Variants in CCDC160 observed in about 807,000 individuals in gnomAD.
CCDC160 encodes coiled-coil domain containing 160, also known as coiled-coil domain-containing protein 160.
For synonymous variants in CCDC160, 94 were observed against 79.4 expected, an observed-to-expected ratio of 1.18 and a Z score of -0.98; for missense variants, 227 against 215.6, an observed-to-expected ratio of 1.05 and a Z score of -0.33.
intron 1 of CCDC160, among the ~76,000 whole-genome samples, chrX:134,240,523 T>G (rs1379336395): frequency 9.1e-6 from 1 of 110,279 alleles, no homozygotes; most frequent in Non-Finnish European, 1.9e-5. Context: ...GGAAGGACCC[T>G]TGTGAGATGG....
chrX:134,239,556 T>C (rs755146930), intron 1 of CCDC160, among the ~76,000 whole-genome samples: 1 of 111,723 alleles, frequency 9.0e-6, no homozygotes, highest in East Asian at 2.8e-4. Flanking sequence ...AATCTGAGAT[T>C]GGAGTTTAGG....
intron 1 of CCDC160, among the ~76,000 whole-genome samples, chrX:134,238,091 CTGGGCTCCA>C (rs959428364): frequency 9.0e-6 from 1 of 111,537 alleles, no homozygotes; most frequent in African/African-American, 3.3e-5. Flanking sequence ...GAGGCAAGGC[CTGGGCTCCA>C]GCCTTTTGCT....
chrX:134,242,966 C>T (rs761841069), intron 1 of CCDC160, among the ~76,000 whole-genome samples: 10 of 111,788 alleles, frequency 8.9e-5, no homozygotes, highest in Non-Finnish European at 1.7e-4. Flanking sequence ...TTTCTCCTCT[C>T]TCTGTTCCTT....
At chrX:134,242,912 A>C (rs2077031889) in intron 1 of CCDC160, among the ~76,000 whole-genome samples, 2 of 111,357 alleles carry the variant, frequency 1.8e-5, no homozygotes, top group African/African-American at 6.5e-5. Context: ...TTGGGTAAAA[A>C]TTTGACTGCT....
intron 1 of CCDC160, chrX:134,243,314 C>T: frequency 1.4e-6 from 1 of 740,288 alleles, no homozygotes; most frequent in African/African-American, 2.3e-5. Flanking sequence ...CTTCTCCTTT[C>T]CTCAAAGCCA....
At chrX:134,243,429 T>C in intron 1 of CCDC160, 1 of 552,094 alleles carries the variant, frequency 1.8e-6, no homozygotes, top group Non-Finnish European at 2.2e-6. Context: ...AGGTATCAAG[T>C]TTATTCCTTC....
At chrX:134,238,367 CTTTT>C (rs1161935568) in intron 1 of CCDC160, among the ~76,000 whole-genome samples, 1 of 75,503 alleles carries the variant, frequency 1.3e-5, no homozygotes, top group East Asian at 4.1e-4. Flanking sequence ...TATCACTTGT[CTTTT>C]TTTTTTTTTT....
exon 2 of CCDC160, chrX:134,244,777 A>T: frequency 8.8e-7 from 1 of 1,141,336 alleles, no homozygotes; most frequent in Non-Finnish European, 1.2e-6. Flanking sequence ...TGTTTTTCAG[A>T]TATTGGAAGA....
At position 134,242,989 on chromosome X, in the gene CCDC160, G is replaced by T. The variant is rs934831982; in HGVS notation, c.-24-1788G>T. Among the ~76,000 whole-genome samples, 11 of 111,381 alleles carry T rather than the reference G, an allele frequency of 9.9e-5. No homozygotes were observed. The Admixed American group carries it at 1.1e-3, about 11-fold the overall frequency. ...CTCTCTGTTCCTTTCCTCTATGATT[G>T]CTGTAATAATTCCTACTGATTTGCA... On this transcript the variant is annotated intron_variant, in intron 1 of 1. Transcript: ENST00000370809.
intron 1 of CCDC160, among the ~76,000 whole-genome samples, chrX:134,239,320 C>G (rs1201580176): frequency 1.8e-5 from 2 of 112,007 alleles, no homozygotes; most frequent in Non-Finnish European, 3.8e-5. Flanking sequence ...CAAACGAATA[C>G]TCCTGTATTT....
chrX:134,239,484 G>A lies in CCDC160; in HGVS notation c.-25+2141G>A, dbSNP rs930079768. On this transcript the variant is annotated intron_variant, in intron 1 of 1. Coordinates refer to ENST00000370809, the Ensembl canonical transcript of CCDC160. ...ATCAATTCAGCTTCAGAAATTTGGG[G>A]ACATCAACAACTAACTTACAGAAGT... 2.7e-5 allele frequency among the ~76,000 whole-genome samples: 3 copies of A among 111,811 alleles called. 1 individual carries two copies. Among genetic ancestry groups the A allele is most frequent in the South Asian group, 7.5e-4 (2 of 2,658 alleles).
Position 134,238,740 on chromosome X carries a change from C to T in CCDC160, c.-25+1397C>T, listed in dbSNP as rs1470141533. 9.0e-6 allele frequency: 1 copy of T among 111,473 alleles called. No individual in the cohort carries two copies. Among genetic ancestry groups the T allele is most frequent in the Non-Finnish European group, 1.9e-5 (1 of 53,091 alleles). The allele number at this position is 111,473 out of a possible 1,213,427, so 9.2% of individuals were successfully genotyped here. ...TGGGCATTCTGGTTAAATGTATTTCCTGATTACAGGGAGGGAGGCGGAATT... is the reference window on the plus strand; with the variant it reads ...TGGGCATTCTGGTTAAATGTATTTCTTGATTACAGGGAGGGAGGCGGAATT... On this transcript the variant is annotated intron_variant, in intron 1 of 1. Transcript: ENST00000370809.
chrX:134,237,783 A>C (rs990586304), intron 1 of CCDC160, among the ~76,000 whole-genome samples: 2 of 112,160 alleles, frequency 1.8e-5, no homozygotes, highest in Non-Finnish European at 3.8e-5. Context: ...TCTCATACTA[A>C]TAAAGTCTCA....
Position 134,245,395 on chromosome X carries a change from A to G in CCDC160, c.595A>G (p.Ser199Gly), listed in dbSNP as rs781148518. The change falls in exon 2 of 2, where the codon AGT becomes GGT. Residue 199 changes from serine (S) to glycine (G), a missense_variant. Transcript: ENST00000370809. The stretch of plus-strand genomic sequence containing the variant: ...AGAAACAGAGACGGATGCTTCAAAA[A>G]GTGACTATGAACTTCAAGCTTTAAG... 7.4e-5 allele frequency: 88 copies of G among 1,187,347 alleles called. 1 individual carries two copies. The East Asian group carries it at 2.6e-3, about 35-fold the overall frequency.
At chrX:134,242,784 G>A (rs1302763010) in intron 1 of CCDC160, among the ~76,000 whole-genome samples, 1 of 110,853 alleles carries the variant, frequency 9.0e-6, no homozygotes, top group Non-Finnish European at 1.9e-5. Flanking sequence ...TTGCCCCTGT[G>A]CTCACCTCCT....
chrX:134,243,292 G>A, intron 1 of CCDC160: 1 of 680,039 alleles, frequency 1.5e-6, no homozygotes, highest in African/African-American at 2.4e-5. Context: ...TTCATCTTAA[G>A]AATATATGTA....
chrX:134,245,724 T>C, exon 2 of CCDC160: 1 of 1,183,283 alleles, frequency 8.5e-7, no homozygotes, highest in East Asian at 3.0e-5. Flanking sequence ...ACTATGCTTC[T>C]TCAATGGTAA....
downstream of CCDC160, chrX:134,246,034 TAC>T (rs1230640559): frequency 6.1e-5 from 12 of 195,908 alleles, no homozygotes; most frequent in East Asian, 1.9e-4. Context: ...TGTGTGTGTG[TAC>T]ACACACACAT....
chrX:134,239,271 A>G (rs750758463), intron 1 of CCDC160, among the ~76,000 whole-genome samples: 2 of 112,174 alleles, frequency 1.8e-5, no homozygotes, highest in South Asian at 7.4e-4. Context: ...ACAGAAGCAC[A>G]GGAACAATTC....
Sources: gnomAD v4.1 joint callset for allele counts (sites outside exome capture counted in the v4.1 genomes callset) on GRCh38, gnomAD v4.1.1 for gene constraint, MANE v1.5 for transcripts, NCBI Gene and HGNC (gene_info 2026-07-23, HGNC 2026-07-21) for gene names.